Variants in TGFBR3 observed in about 807,000 individuals in gnomAD.
The protein encoded by TGFBR3 is transforming growth factor beta receptor type 3.
Under a neutral mutation model 87.9 loss-of-function variants are expected in TGFBR3, and 46 were observed. The ratio of observed to expected loss-of-function variants is 0.52; its 90% CI spans 0.41 to 0.67. The LOEUF is 0.67. Ranked by LOEUF, TGFBR3 falls within the 30% of genes least tolerant of loss-of-function variation. TGFBR3 has a pLI of 0.00. For synonymous variants in TGFBR3, 381 were observed against 391.6 expected, an observed-to-expected ratio of 0.97 and a Z score of 0.32; for missense variants, 866 against 1,041.9, an observed-to-expected ratio of 0.83 and a Z score of 2.32.
chr1:91,790,302 T>G (rs1315921138), intron 3 of TGFBR3, among the ~76,000 whole-genome samples: 1 of 152,234 alleles, frequency 6.6e-6, no homozygotes, highest in Non-Finnish European at 1.5e-5. Flanking sequence ...TAACATGCTG[T>G]GCACATTTGT....
intron 16 of TGFBR3, among the ~76,000 whole-genome samples, chr1:91,688,455 T>C (rs1000969527): frequency 2.0e-5 from 3 of 152,220 alleles, no homozygotes; most frequent in African/African-American, 7.2e-5. Context: ...CTTGCTACCT[T>C]AGTAGGTATA....
At chr1:91,789,306 GAAA>G (rs972650357) in intron 3 of TGFBR3, among the ~76,000 whole-genome samples, 1 of 150,134 alleles carries the variant, frequency 6.7e-6, no homozygotes, top group Non-Finnish European at 1.5e-5. Flanking sequence ...GACTCGTCTC[GAAA>G]AAAAAAGGGG....
chr1:91,717,371 A>T (rs1160343331), intron 10 of TGFBR3, among the ~76,000 whole-genome samples: 1 of 152,144 alleles, frequency 6.6e-6, no homozygotes, highest in Non-Finnish European at 1.5e-5. Context: ...TGGTGTATGG[A>T]TGTGGAAAAG....
intron 4 of TGFBR3, among the ~76,000 whole-genome samples, chr1:91,741,899 A>C (rs1044689538): frequency 3.3e-5 from 5 of 152,118 alleles, no homozygotes; most frequent in Non-Finnish European, 7.4e-5. Context: ...AATCCTTCTA[A>C]AAAGTAAACA....
chr1:91,834,701 CAG>C (rs1003129937), intron 2 of TGFBR3, among the ~76,000 whole-genome samples: 11 of 152,274 alleles, frequency 7.2e-5, no homozygotes, highest in African/African-American at 2.2e-4. Flanking sequence ...GTTTTTAAGA[CAG>C]AGTCTTGCTC....
intron 2 of TGFBR3, among the ~76,000 whole-genome samples, chr1:91,818,806 A>C (rs1676340868): frequency 6.6e-6 from 1 of 152,206 alleles, no homozygotes; most frequent in Non-Finnish European, 1.5e-5. Context: ...TCATTACAAG[A>C]ACATCATTTA....
chr1:91,882,337 A>G (rs1429811558), intron 1 of TGFBR3, among the ~76,000 whole-genome samples: 2 of 151,572 alleles, frequency 1.3e-5, no homozygotes, highest in Non-Finnish European at 2.9e-5. Flanking sequence ...AGGTTTCGCC[A>G]TGTTGGCCAG....
At position 91,727,700 on chromosome 1, in the gene TGFBR3, C is replaced by A. The variant is rs764341440; in HGVS notation, c.844G>T (p.Val282Leu). The A allele has an allele frequency of 6.2e-7, 1 of 1,614,134 alleles. No homozygotes were observed. Among genetic ancestry groups the A allele is most frequent in the Non-Finnish European group, 8.5e-7 (1 of 1,180,014 alleles). Residue 282 changes from valine to leucine, a missense_variant, in exon 7 of 17, where the codon GTG (valine) becomes TTG (leucine). Val to Leu is a conservative substitution (Grantham distance 32). Coordinates refer to ENST00000212355, the MANE Select transcript of TGFBR3 (RefSeq NM_003243.5). ...CCCTTAACATCAAAAGATTTGATCA[C>A]CCAGTTGACAGACTTTTTGCACTTC... ...ILKCKKSVNWVIKSFDVKGSL... is the reference protein window; with the variant it reads ...ILKCKKSVNWLIKSFDVKGSL...
intron 4 of TGFBR3, among the ~76,000 whole-genome samples, chr1:91,753,283 G>A (rs769909008): frequency 2.7e-5 from 4 of 150,754 alleles, no homozygotes; most frequent in East Asian, 2.0e-4. Context: ...CCAGCTACTC[G>A]GGAGGCTGAG....
intron 2 of TGFBR3, among the ~76,000 whole-genome samples, chr1:91,834,098 T>C (rs897193228): frequency 1.3e-5 from 2 of 152,200 alleles, no homozygotes; most frequent in African/African-American, 4.8e-5. Context: ...TTTTCCTACA[T>C]TGTAATGTTT....
At chr1:91,869,387 G>A (rs976265419) in intron 1 of TGFBR3, among the ~76,000 whole-genome samples, 4 of 152,148 alleles carry the variant, frequency 2.6e-5, no homozygotes, top group African/African-American at 7.2e-5. Context: ...AGTACAGGCC[G>A]GGAGTGGTAG....
chr1:91,783,567 A>G (rs1465793491), intron 3 of TGFBR3, among the ~76,000 whole-genome samples: 1 of 152,210 alleles, frequency 6.6e-6, no homozygotes, highest in East Asian at 1.9e-4. Flanking sequence ...TCTGCTGGAC[A>G]CCACGCTCTA....
chr1:91,773,116 G>A (rs1674439701), intron 3 of TGFBR3, among the ~76,000 whole-genome samples: 1 of 152,096 alleles, frequency 6.6e-6, no homozygotes, highest in Non-Finnish European at 1.5e-5. Flanking sequence ...CAGTAGCTCA[G>A]GCCTGTAATC....
In TGFBR3 at chr1:91,727,929, C is replaced by CATGTG. The variant is rs1162510496; in HGVS notation, c.738-124_738-123insCACAT. The CATGTG allele has an allele frequency of 5.8e-5, 68 of 1,162,782 alleles. No homozygotes were observed. In the South Asian group the frequency reaches 8.0e-4, roughly 14 times the overall value. 72.0% of individuals were successfully genotyped at this position (1,162,782 alleles called of 1,614,324 possible). A position where few individuals can be genotyped will look rare whatever the true frequency, so the allele number is the denominator to read the frequency against. On this transcript the variant is annotated intron_variant, in intron 6 of 16. Coordinates refer to ENST00000212355, the MANE Select transcript of TGFBR3 (RefSeq NM_003243.5). ...GTTGATTAAAAAGCTGGAGTTGATC[C>CATGTG]CAGGCCAATGACATGTGCAAAACAG...
At chr1:91,824,895 G>GGCTGCAGTGAGCCAAGATCGCACT (rs17883863) in intron 2 of TGFBR3, among the ~76,000 whole-genome samples, 1,697 of 152,290 alleles carry the variant, frequency 0.011, 21 homozygotes, top group Middle Eastern at 0.02. Context: ...GGGAGGCGGA[G>GGCTGCAGTGAGCCAAGATCGCACT]GCTGCAGTGA....
rs1045808897 is a variant in TGFBR3 at position 91,807,791 on chromosome 1, T to C, written c.62-10320A>G. On this transcript the variant is annotated intron_variant, in intron 2 of 16. Coordinates refer to ENST00000212355, the MANE Select transcript of TGFBR3 (RefSeq NM_003243.5). ...TCACCACTGGACATAGCAAGAGGTG[T>C]CCTTGTATTACAGAAGCACCGGGAA... Among the ~76,000 whole-genome samples, 4 of 152,170 alleles carry C rather than the reference T, an allele frequency of 2.6e-5. 1 individual carries two copies. Among genetic ancestry groups the C allele is most frequent in the Admixed American group, 2.6e-4 (4 of 15,280 alleles).
At chr1:91,731,704 T>C (rs1161372806) in intron 5 of TGFBR3, among the ~76,000 whole-genome samples, 1 of 152,190 alleles carries the variant, frequency 6.6e-6, no homozygotes, top group Non-Finnish European at 1.5e-5. Context: ...CCTCCTGGGA[T>C]TGTGGCCGGC....
intron 3 of TGFBR3, among the ~76,000 whole-genome samples, chr1:91,789,176 G>A (rs1571511920): frequency 6.6e-6 from 1 of 152,140 alleles, no homozygotes; most frequent in African/African-American, 2.4e-5. Context: ...GCATGGTGGC[G>A]TATGCCTGTA....
chr1:91,821,328 C>CAAA (rs35313779), intron 2 of TGFBR3, among the ~76,000 whole-genome samples: 8 of 77,554 alleles, frequency 1.0e-4, no homozygotes, highest in Middle Eastern at 7.4e-3. Context: ...AAGACTGTCT[C>CAAA]AAAAAAAAAA....
Sources: gnomAD v4.1 joint callset for allele counts (sites outside exome capture counted in the v4.1 genomes callset) on GRCh38, gnomAD v4.1.1 for gene constraint, MANE v1.5 for transcripts, NCBI Gene and HGNC (gene_info 2026-07-23, HGNC 2026-07-21) for gene names.